The following JADE3 variants were observed in gnomAD, a reference collection of about 807,000 sequenced individuals.
JADE3 encodes protein Jade-3.
Under a neutral mutation model 50.1 loss-of-function variants are expected in JADE3, and 2 were observed. That is an observed-to-expected ratio of 0.04 (90% CI 0.02 to 0.13). The LOEUF (loss-of-function observed/expected upper bound fraction) is 0.13, where lower values mean the gene tolerates loss of function less well. Ranked by LOEUF, JADE3 falls within the 10% of genes least tolerant of loss-of-function variation. The pLI is 1.00. For synonymous variants in JADE3, 218 were observed against 232.9 expected, an observed-to-expected ratio of 0.94 and a Z score of 0.58; for missense variants, 475 against 634.4, an observed-to-expected ratio of 0.75 and a Z score of 2.70.
At position 46,935,649 on chromosome X, in the gene JADE3, A is replaced by G. The variant is rs191964317; in HGVS notation, c.-12+22930A>G. On this transcript the variant is annotated intron_variant, in intron 1 of 10. Transcript: ENST00000614628. The stretch of plus-strand genomic sequence containing the variant: ...AATACCTGATGATCTGAGATGGAAC[A>G]GTTTCATCTGGAAAATCATCCTCCC... Among the ~76,000 whole-genome samples the G allele has an allele frequency of 3.6e-5, 4 of 110,457 alleles. No individual in the cohort carries two copies. The East Asian group carries it at 1.1e-3, about 31-fold the overall frequency.
At chrX:46,925,647 C>T (rs1012979659) in intron 1 of JADE3, among the ~76,000 whole-genome samples, 1 of 109,382 alleles carries the variant, frequency 9.1e-6, no homozygotes, top group African/African-American at 3.3e-5. Context: ...CAGTGAAACC[C>T]GGTCTCTACT....
At chrX:46,999,444 T>TATATAACATATATATAC (rs1928225551) in intron 4 of JADE3, among the ~76,000 whole-genome samples, 1 of 105,028 alleles carries the variant, frequency 9.5e-6, no homozygotes, top group Non-Finnish European at 1.9e-5. Context: ...CATATATATA[T>TATATAACATATATATAC]ATATATAACA....
intron 8 of JADE3, among the ~76,000 whole-genome samples, chrX:47,052,779 A>G (rs1466926974): frequency 9.4e-6 from 1 of 106,319 alleles, no homozygotes; most frequent in Admixed American, 1.0e-4. Context: ...TTTAAGGCTA[A>G]GCGCAGTGGC....
chrX:47,058,197 C>T lies in JADE3; in HGVS notation c.1592C>T (p.Ser531Leu). The T allele has an allele frequency of 8.3e-7, 1 of 1,208,470 alleles. No individual in the cohort carries two copies. The highest frequency in any genetic ancestry group is 1.1e-6 in the Non-Finnish European group (1 of 894,153). ...GLPLTNALEN[S>L]LFYPPPRITL... ...CCTTTGACAAATGCACTTGAAAACTCACTGTTTTACCCACCACCAAGAATT... is the reference window on the plus strand; with the variant it reads ...CCTTTGACAAATGCACTTGAAAACTTACTGTTTTACCCACCACCAAGAATT... The change falls in exon 11 of 11, where the codon TCA (serine) becomes TTA (leucine). Residue 531 changes from serine to leucine, a missense_variant. By Grantham distance (145) the Ser-to-Leu change is moderately radical. Around this residue, in one of 6 missense-constraint regions of JADE3, gnomAD observed 243 missense variants for 238.2 expected, o/e 1.02. Coordinates refer to ENST00000614628, the MANE Select transcript of JADE3 (RefSeq NM_014735.5).
chrX:46,976,147 A>G (rs1927622514), intron 1 of JADE3, among the ~76,000 whole-genome samples: 2 of 111,833 alleles, frequency 1.8e-5, no homozygotes, highest in South Asian at 7.6e-4. Context: ...GGCAGTGAAT[A>G]GGGGCCCCTT....
chrX:46,983,842 C>T (rs1556353705), intron 1 of JADE3, among the ~76,000 whole-genome samples: 2 of 111,311 alleles, frequency 1.8e-5, no homozygotes, highest in Non-Finnish European at 3.8e-5. Context: ...GGAAGAGGGT[C>T]GTCCATGGAG....
intron 8 of JADE3, among the ~76,000 whole-genome samples, chrX:47,049,251 G>A (rs1478746964): frequency 3.7e-4 from 32 of 85,519 alleles, no homozygotes; most frequent in African/African-American, 1.1e-3. Context: ...GCAGTGGCGC[G>A]ATCTCGGCTC....
intron 8 of JADE3, among the ~76,000 whole-genome samples, chrX:47,047,197 A>G (rs1556370884): frequency 8.9e-6 from 1 of 111,968 alleles, no homozygotes; most frequent in African/African-American, 3.2e-5. Context: ...TTTTTCCTCT[A>G]GTGAAAGCAT....
intron 8 of JADE3, among the ~76,000 whole-genome samples, chrX:47,040,096 T>C (rs1556369299): frequency 8.9e-6 from 1 of 112,204 alleles, no homozygotes; most frequent in African/African-American, 3.2e-5. Flanking sequence ...TATTTCTCCT[T>C]CTATCCCAAA....
chrX:46,972,001 C>G (rs1315680111), intron 1 of JADE3, among the ~76,000 whole-genome samples: 2 of 110,103 alleles, frequency 1.8e-5, no homozygotes, highest in Admixed American at 9.8e-5. Context: ...TTCTTTCTTT[C>G]AGTAAACATT....
chrX:46,922,786 C>A (rs1556338041), intron 1 of JADE3, among the ~76,000 whole-genome samples: 1 of 110,765 alleles, frequency 9.0e-6, no homozygotes, highest in Non-Finnish European at 1.9e-5. Context: ...AATCATAGTT[C>A]TTTTACATTT....
intron 1 of JADE3, among the ~76,000 whole-genome samples, chrX:46,941,699 T>A (rs1926763596): frequency 9.4e-6 from 1 of 106,763 alleles, no homozygotes; most frequent in Admixed American, 1.0e-4. Context: ...CACTTGTATA[T>A]GACTTCTTTT....
chrX:46,943,686 C>T (rs1281119012), intron 1 of JADE3, among the ~76,000 whole-genome samples: 1 of 111,334 alleles, frequency 9.0e-6, no homozygotes, highest in Admixed American at 9.5e-5. Flanking sequence ...TTTGTTTTGC[C>T]TTTGCCTGAT....
intron 4 of JADE3, among the ~76,000 whole-genome samples, chrX:47,003,922 T>TTA (rs1232207923): frequency 9.7e-6 from 1 of 103,455 alleles, no homozygotes; most frequent in Non-Finnish European, 1.9e-5. Context: ...TATAAATTAT[T>TTA]TATATATATA....
intron 5 of JADE3, among the ~76,000 whole-genome samples, chrX:47,026,845 T>A (rs1928919407): frequency 9.0e-6 from 1 of 111,227 alleles, no homozygotes; most frequent in Non-Finnish European, 1.9e-5. Flanking sequence ...ATAAATAACG[T>A]GTCAAAGTTT....
intron 4 of JADE3, among the ~76,000 whole-genome samples, chrX:47,009,314 C>T (rs1928505487): frequency 9.0e-6 from 1 of 111,133 alleles, no homozygotes; most frequent in African/African-American, 3.3e-5. Context: ...GCCTAGATAA[C>T]AGAGCAAGAC....
chrX:46,948,230 A>G (rs1926926094), intron 1 of JADE3, among the ~76,000 whole-genome samples: 1 of 112,349 alleles, frequency 8.9e-6, no homozygotes, highest in South Asian at 3.7e-4. Flanking sequence ...GATAATTGCT[A>G]AAGTATGTGA....
chrX:46,930,544 A>AG (rs1237111882), intron 1 of JADE3, among the ~76,000 whole-genome samples: 9 of 112,273 alleles, frequency 8.0e-5, no homozygotes, highest in Non-Finnish European at 1.5e-4. Context: ...CAGGGCCTAG[A>AG]GGGCATGACC....
chrX:46,951,119 C>T (rs1926992067), intron 1 of JADE3, among the ~76,000 whole-genome samples: 1 of 106,562 alleles, frequency 9.4e-6, no homozygotes, highest in African/African-American at 3.4e-5. Flanking sequence ...CGCTCTGTTG[C>T]CCAGGCTGTA....
Sources: allele counts gnomAD v4.1 joint callset (sites outside exome capture counted in the v4.1 genomes callset), GRCh38; gene constraint gnomAD v4.1.1; regional missense constraint gnomAD v4.1.1; transcripts MANE v1.5; gene names NCBI Gene and HGNC (gene_info 2026-07-23, HGNC 2026-07-21).